ADAP2: variants seen among roughly 807,000 people sequenced by gnomAD.
The protein encoded by ADAP2 is arf-GAP with dual PH domain-containing protein 2.
A neutral mutation model predicts 54.9 loss-of-function variants in ADAP2; 42 were observed. The ratio of observed to expected loss-of-function variants is 0.77; its 90% CI spans 0.60 to 0.99. ADAP2 has a LOEUF of 0.99. ADAP2 is among the 50% of genes least tolerant of loss of function. ADAP2 has a pLI of 0.00. For missense variants in ADAP2, 429 were observed against 480.4 expected, an observed-to-expected ratio of 0.89 and a Z score of 1.00; for synonymous variants, 177 against 180.1, an observed-to-expected ratio of 0.98 and a Z score of 0.14.
At chr17:30,954,340 A>T in intron 8 of ADAP2, 138 bp from the exon 9 acceptor site, 1 of 719,962 alleles carries the variant, frequency 1.4e-6, no homozygotes, top group Non-Finnish European at 2.5e-6. Context: ...GAGAAGCACT[A>T]GGATGTCTGA....
At chr17:30,928,928 C>T (rs1439969642) in intron 3 of ADAP2, among the ~76,000 whole-genome samples, 5 of 152,176 alleles carry the variant, frequency 3.3e-5, no homozygotes, top group Admixed American at 6.5e-5. Context: ...AGCCTCATAG[C>T]GGGTATGTCT....
At chr17:30,925,183 ATTTT>A (rs57259969) in intron 2 of ADAP2, among the ~76,000 whole-genome samples, 1 of 98,138 alleles carries the variant, frequency 1.0e-5, no homozygotes, top group Non-Finnish European at 2.0e-5. Flanking sequence ...CGTGCCCAGC[ATTTT>A]TTTTTTTTTT....
At chr17:30,957,012 G>A (rs1876431) in intron 10 of ADAP2, 31,505 of 156,054 alleles carry the variant, frequency 0.2, 10,221 homozygotes, top group African/African-American at 0.69. Flanking sequence ...GTGAAAAAAG[G>A]GGAGACATGC....
chr17:30,923,997 C>T (rs1043268966), intron 2 of ADAP2, among the ~76,000 whole-genome samples: 1 of 152,120 alleles, frequency 6.6e-6, no homozygotes, highest in Non-Finnish European at 1.5e-5. Context: ...GGCCACTGTG[C>T]CTGGCCACTA....
chr17:30,935,925 A>AC (rs1340744248), intron 5 of ADAP2, among the ~76,000 whole-genome samples: 1 of 152,162 alleles, frequency 6.6e-6, no homozygotes, highest in Non-Finnish European at 1.5e-5. Flanking sequence ...ATTGAGATAC[A>AC]ATTCACATAC....
At chr17:30,937,347 C>G (rs1412778941) in intron 5 of ADAP2, among the ~76,000 whole-genome samples, 1 of 151,118 alleles carries the variant, frequency 6.6e-6, no homozygotes, top group Non-Finnish European at 1.5e-5. Flanking sequence ...TCAGCCTCCC[C>G]AGTAGCTGGG....
intron 3 of ADAP2, among the ~76,000 whole-genome samples, chr17:30,928,867 C>G (rs1247446883): frequency 1.3e-5 from 2 of 152,170 alleles, no homozygotes; most frequent in East Asian, 3.9e-4. Context: ...ACCAGGGCTG[C>G]TAGACAGTAT....
chr17:30,957,712 T>C (rs539459316), intron 10 of ADAP2, 123 bp from the exon 11 acceptor site: 1 of 907,474 alleles, frequency 1.1e-6, no homozygotes, highest in South Asian at 1.5e-5. Context: ...ATTACAGGCA[T>C]GAGCCACTGT....
At chr17:30,935,872 TG>T (rs911969878) in intron 5 of ADAP2, among the ~76,000 whole-genome samples, 102 of 152,260 alleles carry the variant, frequency 6.7e-4, no homozygotes, top group African/African-American at 2.3e-3. Context: ...TGGAGGGCCT[TG>T]TAGGTCATAG....
At chr17:30,935,277 AG>A (rs1911791858) in intron 5 of ADAP2, among the ~76,000 whole-genome samples, 1 of 152,188 alleles carries the variant, frequency 6.6e-6, no homozygotes, top group Non-Finnish European at 1.5e-5. Flanking sequence ...CTGAGGCAGG[AG>A]TATCACTTGA....
intron 5 of ADAP2, among the ~76,000 whole-genome samples, chr17:30,935,487 G>T (rs1911806343): frequency 6.6e-6 from 1 of 152,200 alleles, no homozygotes; most frequent in Non-Finnish European, 1.5e-5. Context: ...TGACATTTGA[G>T]CAGATAACTG....
intron 7 of ADAP2, among the ~76,000 whole-genome samples, chr17:30,952,634 C>T (rs1411550711): frequency 6.6e-6 from 1 of 152,188 alleles, no homozygotes; most frequent in African/African-American, 2.4e-5. Context: ...CCTTGACCTC[C>T]CAAAGTGCTG....
chr17:30,932,858 G>A (rs1459707630), intron 4 of ADAP2, among the ~76,000 whole-genome samples: 5 of 152,048 alleles, frequency 3.3e-5, no homozygotes, highest in African/African-American at 7.2e-5. Context: ...ATGAGCCACC[G>A]CGCCCAGCAT....
chr17:30,932,091 A>G, intron 4 of ADAP2, 123 bp downstream of exon 4: 4 of 846,600 alleles, frequency 4.7e-6, no homozygotes, highest in Non-Finnish European at 7.5e-6. Context: ...GTGGCCGCAG[A>G]GGCCAAGGTG....
At chr17:30,957,603 G>C (rs1015409078) in intron 10 of ADAP2, among the ~76,000 whole-genome samples, 1 of 151,880 alleles carries the variant, frequency 6.6e-6, no homozygotes, top group Non-Finnish European at 1.5e-5. Flanking sequence ...AATTTGTTTT[G>C]TATTTTTGGT....
At chr17:30,947,515 G>C (rs975493818) in intron 6 of ADAP2, among the ~76,000 whole-genome samples, 1 of 152,106 alleles carries the variant, frequency 6.6e-6, no homozygotes, top group Non-Finnish European at 1.5e-5. Flanking sequence ...CACCATACCC[G>C]GCTAATTTTG....
chr17:30,925,216 C>T (rs1415212045), intron 2 of ADAP2, among the ~76,000 whole-genome samples: 1 of 135,088 alleles, frequency 7.4e-6, no homozygotes, highest in Admixed American at 7.6e-5. Flanking sequence ...GATGCAGTCT[C>T]ACTCTGTCAC....
chr17:30,937,107 T>C (rs1328447397), intron 5 of ADAP2, among the ~76,000 whole-genome samples: 1 of 152,020 alleles, frequency 6.6e-6, no homozygotes. Flanking sequence ...TTTGTATTTT[T>C]AGTAGACAGG....
At chr17:30,934,106 T>G in intron 4 of ADAP2, 79 bp from the exon 5 acceptor site, 27 of 1,073,140 alleles carry the variant, frequency 2.5e-5, no homozygotes, top group Non-Finnish European at 3.5e-5. Flanking sequence ...ATTCCACCCT[T>G]GAGAACCTCA....
Sources: gnomAD v4.1 joint callset for allele counts (sites outside exome capture counted in the v4.1 genomes callset) on GRCh38, gnomAD v4.1.1 for gene constraint, MANE v1.5 for transcripts, NCBI Gene and HGNC (gene_info 2026-07-23, HGNC 2026-07-21) for gene names.